MCF2L2: variants seen among roughly 807,000 people sequenced by gnomAD.
The protein encoded by MCF2L2 is probable guanine nucleotide exchange factor MCF2L2.
MCF2L2 carries 102 observed loss-of-function variants against 150.2 expected under a neutral mutation model. The ratio of observed to expected loss-of-function variants is 0.68; its 90% CI spans 0.58 to 0.80. The LOEUF (loss-of-function observed/expected upper bound fraction) is 0.80, where lower values mean the gene tolerates loss of function less well. Among genes scored for constraint, MCF2L2 ranks in the 30% least tolerant of loss-of-function variants. The pLI is 0.00. For missense variants in MCF2L2, 1,256 were observed against 1,372.8 expected (o/e 0.91, Z 1.34); for synonymous variants, 465 against 491.3 (o/e 0.95, Z 0.71).
intron 5 of MCF2L2, among the ~76,000 whole-genome samples, chr3:183,336,863 AAAT>A (rs994622747): frequency 4.6e-5 from 6 of 129,168 alleles, no homozygotes; most frequent in African/African-American, 1.5e-4. Flanking sequence ...CTCAAAAAAA[AAAT>A]ATATATATAT....
intron 15 of MCF2L2, among the ~76,000 whole-genome samples, chr3:183,264,471 A>G (rs915854987): frequency 2.6e-5 from 4 of 152,244 alleles, no homozygotes; most frequent in Admixed American, 2.6e-4. Flanking sequence ...TGTCACAAAT[A>G]GAGTGTAAAT....
intron 22 of MCF2L2, among the ~76,000 whole-genome samples, chr3:183,209,581 T>A (rs1722617098): frequency 6.6e-6 from 1 of 152,202 alleles, no homozygotes; most frequent in African/African-American, 2.4e-5. Context: ...CTCTGTCTCC[T>A]GAGTTCAAGG....
intron 1 of MCF2L2, among the ~76,000 whole-genome samples, chr3:183,398,437 A>G (rs931222203): frequency 6.6e-6 from 1 of 152,162 alleles, no homozygotes; most frequent in African/African-American, 2.4e-5. Context: ...ATTGGAATCT[A>G]TTAATCCATT....
intron 3 of MCF2L2, among the ~76,000 whole-genome samples, chr3:183,359,777 T>G (rs1320748702): frequency 2.0e-5 from 3 of 152,102 alleles, no homozygotes; most frequent in Admixed American, 1.3e-4. Flanking sequence ...TGGAACACAG[T>G]GACTAAAGAC....
At chr3:183,327,980 G>A (rs1194235576) in intron 5 of MCF2L2, among the ~76,000 whole-genome samples, 2 of 152,170 alleles carry the variant, frequency 1.3e-5, no homozygotes, top group Non-Finnish European at 2.9e-5. Context: ...GGGAACTCTA[G>A]ATAGCCTCTG....
At chr3:183,388,406 G>A (rs1447305317) in intron 2 of MCF2L2, among the ~76,000 whole-genome samples, 3 of 152,200 alleles carry the variant, frequency 2.0e-5, no homozygotes, top group Non-Finnish European at 2.9e-5. Flanking sequence ...TTTGTCTTGC[G>A]CAAGCCCAGA....
intron 27 of MCF2L2, among the ~76,000 whole-genome samples, chr3:183,183,846 C>T (rs1721607387): frequency 6.6e-6 from 1 of 152,062 alleles, no homozygotes; most frequent in Admixed American, 6.6e-5. Context: ...CTGCCATTGT[C>T]TCATCCTCAT....
At chr3:183,224,320 A>C (rs1384835355) in intron 18 of MCF2L2, 130 bp from the exon 19 acceptor site, 2 of 627,768 alleles carry the variant, frequency 3.2e-6, no homozygotes, top group East Asian at 5.5e-5. Flanking sequence ...GGTGTACAGT[A>C]AGTAATCTTA....
chr3:183,298,765 G>GCGCGCGCGCGCGCGCACA, intron 11 of MCF2L2: 3 of 138,500 alleles, frequency 2.2e-5, no homozygotes, highest in East Asian at 2.3e-4. Context: ...AAACACACAT[G>GCGCGCGCGCGCGCGCACA]CACACACACA....
chr3:183,244,634 A>T (rs1724172772), intron 15 of MCF2L2, among the ~76,000 whole-genome samples: 1 of 152,218 alleles, frequency 6.6e-6, no homozygotes, highest in African/African-American at 2.4e-5. Flanking sequence ...GATCCAGCTC[A>T]TCTCTTCATT....
chr3:183,183,929 C>T (rs1721610251), intron 27 of MCF2L2, among the ~76,000 whole-genome samples: 2 of 152,138 alleles, frequency 1.3e-5, no homozygotes. Flanking sequence ...CACACACACA[C>T]ACACACCCCT....
intron 11 of MCF2L2, chr3:183,298,549 G>C (rs1246221415): frequency 2.0e-5 from 3 of 152,036 alleles, no homozygotes; most frequent in African/African-American, 7.3e-5. Context: ...GGGGATAGTG[G>C]GATATGTACG....
chr3:183,339,140 G>A (rs1479803682), intron 4 of MCF2L2, among the ~76,000 whole-genome samples: 1 of 151,964 alleles, frequency 6.6e-6, no homozygotes, highest in Non-Finnish European at 1.5e-5. Flanking sequence ...AAACAAGCAA[G>A]AAAAATGTTT....
intron 20 of MCF2L2, among the ~76,000 whole-genome samples, chr3:183,222,433 T>C (rs1042119271): frequency 1.3e-5 from 2 of 152,062 alleles, no homozygotes; most frequent in East Asian, 1.9e-4. Flanking sequence ...GCCTGTAATC[T>C]CAGCTACTTG....
At chr3:183,351,500 G>A (rs894188137) in intron 3 of MCF2L2, among the ~76,000 whole-genome samples, 4 of 151,998 alleles carry the variant, frequency 2.6e-5, no homozygotes, top group East Asian at 1.9e-4. Context: ...GCACTGAGAA[G>A]TTCCTGGGAC....
intron 5 of MCF2L2, 59 bp downstream of exon 5, chr3:183,338,741 A>G: frequency 6.5e-7 from 1 of 1,527,046 alleles, no homozygotes; most frequent in Non-Finnish European, 8.9e-7. Context: ...AACCCTGCCC[A>G]AATGCCATCT....
Position 183,362,012 on chromosome 3 carries a change from T to C in MCF2L2, c.275+17285A>G, listed in dbSNP as rs146974664. Among the ~76,000 whole-genome samples the C allele has an allele frequency of 9.8e-3, 1,494 of 152,322 alleles. 20 individuals carry two copies. The highest frequency in any genetic ancestry group is 0.032 in the African/African-American group (1,317 of 41,556). ...ATGTATGTGAAATATAAGTCAATCGTGTGCTTAGACTTGGGTCCCATCCCC... is the reference window on the plus strand; with the variant it reads ...ATGTATGTGAAATATAAGTCAATCGCGTGCTTAGACTTGGGTCCCATCCCC... On this transcript the variant is annotated intron_variant, in intron 3 of 29. Transcript: ENST00000328913.
chr3:183,277,527 G>A (rs142345172), intron 14 of MCF2L2, among the ~76,000 whole-genome samples: 165 of 151,732 alleles, frequency 1.1e-3, no homozygotes, highest in African/African-American at 3.7e-3. Context: ...AGAAAGTGCT[G>A]GAGGCAGAGA....
intron 15 of MCF2L2, among the ~76,000 whole-genome samples, chr3:183,250,361 G>A (rs1303546443): frequency 2.0e-5 from 3 of 152,084 alleles, no homozygotes; most frequent in Non-Finnish European, 2.9e-5. Context: ...CGAGGCGGGC[G>A]GATCACTTGA....
Sources: gnomAD v4.1 joint callset for allele counts (sites outside exome capture counted in the v4.1 genomes callset) on GRCh38, gnomAD v4.1.1 for gene constraint, MANE v1.5 for transcripts, NCBI Gene and HGNC (gene_info 2026-07-23, HGNC 2026-07-21) for gene names.